Variants in SKI observed in about 807,000 individuals in gnomAD.
SKI encodes the protein ski oncogene.
A neutral mutation model predicts 59.3 loss-of-function variants in SKI; 23 were observed. The ratio of observed to expected loss-of-function variants is 0.39; its 90% CI spans 0.28 to 0.55. The LOEUF (loss-of-function observed/expected upper bound fraction) is 0.55. Among genes scored for constraint, SKI ranks in the 20% least tolerant of loss-of-function variants. The pLI is 0.67. For synonymous variants in SKI, 673 were observed against 488.6 expected (o/e 1.38, Z -4.98); for missense variants, 1,017 against 1,038.9 (o/e 0.98, Z 0.29).
Position 2,303,680 on chromosome 1 carries a change from A to G in SKI, c.1212-160A>G. The G allele has an allele frequency of 9.6e-7, 1 of 1,037,658 alleles. No individual in the cohort carries two copies. The highest frequency in any genetic ancestry group is 2.2e-5 in the Admixed American group (1 of 44,984). 64.3% of individuals were successfully genotyped at this position (1,037,658 alleles called of 1,614,324 possible). On this transcript the variant is annotated intron_variant, in intron 3 of 6. Coordinates refer to ENST00000378536, the MANE Select transcript of SKI (RefSeq NM_003036.4). The surrounding 1 kb of genome is among the most constrained non-coding windows in gnomAD (Gnocchi z 5.6). ...CTTCGCAAGAGACCCAGCAAGCAGA[A>G]AACGCTTACGGGTTCTTAGGGAACT...
In SKI at chr1:2,229,666, C is replaced by A. The variant is rs747649658; in HGVS notation, c.900C>A (p.Leu300=). 1.2e-6 allele frequency: 2 copies of A among 1,609,894 alleles called. No homozygotes were observed. Among genetic ancestry groups the A allele is most frequent in the Non-Finnish European group, 1.7e-6 (2 of 1,178,836 alleles). Residue 300 remains leucine, a synonymous_variant, in exon 1 of 7, where the codon CTC becomes CTA. Transcript: ENST00000378536. This position sits in a 1 kb window ranked among gnomAD's most constrained non-coding sequence, Gnocchi z 6.3. The part of the protein sequence containing the change: ...DYTGKEEQAR[L]GRCLDDVKEK... ...CGGGCAAGGAGGAGCAGGCGCGCCTCGGCCGCTGCCTGGACGACGTGAAGG... is the reference window on the plus strand; with the variant it reads ...CGGGCAAGGAGGAGCAGGCGCGCCTAGGCCGCTGCCTGGACGACGTGAAGG...
chr1:2,291,712 GC>G (rs1266337573), intron 1 of SKI, among the ~76,000 whole-genome samples: 2 of 141,696 alleles, frequency 1.4e-5, no homozygotes, highest in Non-Finnish European at 3.1e-5. Context: ...TTGTGGGGGG[GC>G]CCCCTGGGGC....
At chr1:2,288,045 A>G (rs1166449246) in intron 1 of SKI, among the ~76,000 whole-genome samples, 5 of 151,266 alleles carry the variant, frequency 3.3e-5, no homozygotes, top group African/African-American at 9.7e-5. Context: ...CTGGACTGCA[A>G]TGGCACGATC....
At chr1:2,261,479 T>G (rs1639384841) in intron 1 of SKI, among the ~76,000 whole-genome samples, 1 of 152,260 alleles carries the variant, frequency 6.6e-6, no homozygotes, top group African/African-American at 2.4e-5. Flanking sequence ...CCATCTTTTG[T>G]CAGATTTATT....
At chr1:2,275,536 C>T (rs1324008647) in intron 1 of SKI, among the ~76,000 whole-genome samples, 2 of 151,668 alleles carry the variant, frequency 1.3e-5, no homozygotes, top group African/African-American at 4.8e-5. Flanking sequence ...TTTTTTTAGA[C>T]GGAGTCTCGC....
intron 1 of SKI, among the ~76,000 whole-genome samples, chr1:2,290,575 G>T (rs1223083142): frequency 6.6e-6 from 1 of 152,188 alleles, no homozygotes; most frequent in Non-Finnish European, 1.5e-5. Context: ...ACCTCATCAG[G>T]GGCTCCCCCA....
rs745884494 is a variant in SKI, at chr1:2,303,286, G to T, written c.1097G>T (p.Ser366Ile). 1.9e-6 allele frequency: 3 copies of T among 1,613,430 alleles called. No individual in the cohort carries two copies. Among genetic ancestry groups the T allele is most frequent in the Non-Finnish European group, 2.5e-6 (3 of 1,179,990 alleles). Residue 366 changes from serine (S) to isoleucine (I), a missense_variant and splice_region_variant, in exon 3 of 7, where the codon AGC becomes ATC. Ser to Ile is a moderately radical substitution (Grantham distance 142). Coordinates refer to ENST00000378536, the MANE Select transcript of SKI (RefSeq NM_003036.4). This position sits in a 1 kb window ranked among gnomAD's most constrained non-coding sequence, Gnocchi z 5.6. ...LRTLAGSSNK[S>I]LGCVHPRQRL... ...ACACAGACAACTCTTTCTCGACAGA[G>T]CCTGGGCTGTGTTCACCCTCGCCAG...
At chr1:2,235,844 G>A (rs954256693) in intron 1 of SKI, among the ~76,000 whole-genome samples, 3 of 152,250 alleles carry the variant, frequency 2.0e-5, no homozygotes, top group African/African-American at 7.2e-5. Context: ...GGTGCCTGGC[G>A]CCTGTGGCCC....
rs1009718600 is a variant in SKI at position 2,271,976 on chromosome 1, C to G, written c.970-31002C>G. On this transcript the variant is annotated intron_variant, in intron 1 of 6. Transcript: ENST00000378536. ...CACTCCGGGCCACTGGCTGCTTTCT[C>G]GCAGCTGTTCTCCTCTGGGAGGACT... 1.5e-4 allele frequency among the ~76,000 whole-genome samples: 23 copies of G among 152,156 alleles called. 1 individual carries two copies. The highest frequency in any genetic ancestry group is 5.6e-4 in the African/African-American group (23 of 41,432).
In SKI at chr1:2,303,731, C is replaced by A; in HGVS notation, c.1212-109C>A. The A allele has an allele frequency of 1.4e-6, 2 of 1,411,024 alleles. No homozygotes were observed. Among genetic ancestry groups the A allele is most frequent in the Non-Finnish European group, 2.0e-6 (2 of 1,025,180 alleles). The allele number at this position is 1,411,024 out of a possible 1,614,324, so 87.4% of individuals were successfully genotyped here. A position where few individuals can be genotyped will look rare whatever the true frequency, so the allele number is the denominator to read the frequency against. On this transcript the variant is annotated intron_variant, in intron 3 of 6. Transcript: ENST00000378536. The surrounding 1 kb of genome is among the most constrained non-coding windows in gnomAD (Gnocchi z 5.6). Reference sequence around the variant, plus strand: ...GTAAGCTTGACTTGAAGATTCGGAGCTGGGAAAGTCTTTCCTGTTTAACAC... The same window carrying A: ...GTAAGCTTGACTTGAAGATTCGGAGATGGGAAAGTCTTTCCTGTTTAACAC...
At chr1:2,260,538 T>TTTTTTTTTTTTA (rs1557825820) in intron 1 of SKI, among the ~76,000 whole-genome samples, 2 of 105,182 alleles carry the variant, frequency 1.9e-5, no homozygotes, top group Non-Finnish European at 3.9e-5. Flanking sequence ...TCTTTTTCTT[T>TTTTTTTTTTTTA]TTTTTTTTTT....
intron 1 of SKI, among the ~76,000 whole-genome samples, chr1:2,271,953 C>G (rs1282957610): frequency 1.3e-5 from 2 of 152,174 alleles, no homozygotes; most frequent in African/African-American, 4.8e-5. Context: ...GGGAGAGACA[C>G]TCCGGGCCAC....
intron 1 of SKI, among the ~76,000 whole-genome samples, chr1:2,249,913 GT>G (rs879591645): frequency 1.7e-4 from 25 of 148,282 alleles, no homozygotes; most frequent in East Asian, 3.9e-4. Context: ...TTTGGCCACA[GT>G]TTTTTTTTTT....
chr1:2,254,813 G>GC (rs1366461018), intron 1 of SKI, among the ~76,000 whole-genome samples: 2 of 152,208 alleles, frequency 1.3e-5, no homozygotes, highest in East Asian at 3.8e-4. Context: ...GAGGCGTGCA[G>GC]CCCCCCTGCT....
At chr1:2,285,859 C>T (rs1412525685) in intron 1 of SKI, among the ~76,000 whole-genome samples, 3 of 148,232 alleles carry the variant, frequency 2.0e-5, no homozygotes, top group Non-Finnish European at 4.4e-5. Context: ...AGCCACCGCA[C>T]CAGCCAGAAG....
At position 2,229,895 on chromosome 1, in the gene SKI, T is replaced by A. The variant is rs998329334; in HGVS notation, c.969+160T>A. 6.6e-6 allele frequency among the ~76,000 whole-genome samples: 1 copy of A among 152,168 alleles called. No homozygotes were observed. Among genetic ancestry groups the A allele is most frequent in the African/African-American group, 2.4e-5 (1 of 41,436 alleles). Reference sequence around the variant, plus strand: ...TTAGGGAAATTCAGAGTGTTCCGACTGGCAGGGCCAGAGAGTTTGGTAGGA... The same window carrying A: ...TTAGGGAAATTCAGAGTGTTCCGACAGGCAGGGCCAGAGAGTTTGGTAGGA... On this transcript the variant is annotated intron_variant, in intron 1 of 6. Coordinates refer to ENST00000378536, the MANE Select transcript of SKI (RefSeq NM_003036.4). This position sits in a 1 kb window ranked among gnomAD's most constrained non-coding sequence, Gnocchi z 6.3.
chr1:2,305,353 C>T (rs914957002), intron 5 of SKI, among the ~76,000 whole-genome samples: 3 of 152,196 alleles, frequency 2.0e-5, no homozygotes, highest in Non-Finnish European at 2.9e-5. Context: ...ACCTCGGCGG[C>T]GTCTGGCAGC....
chr1:2,282,652 T>G (rs1639919578), intron 1 of SKI, among the ~76,000 whole-genome samples: 1 of 152,120 alleles, frequency 6.6e-6, no homozygotes, highest in Non-Finnish European at 1.5e-5. Context: ...GCCCGCTGGC[T>G]CCCAGCCCTC....
chr1:2,282,991 A>ATGGG (rs2100877442), intron 1 of SKI, among the ~76,000 whole-genome samples: 1 of 151,982 alleles, frequency 6.6e-6, no homozygotes, highest in East Asian at 1.9e-4. Flanking sequence ...GTGCTGGGAG[A>ATGGG]CGGGAGCCAG....
Sources: allele counts gnomAD v4.1 joint callset (sites outside exome capture counted in the v4.1 genomes callset), GRCh38; gene constraint gnomAD v4.1.1; non-coding constraint Gnocchi (gnomAD v3.1); transcripts MANE v1.5; gene names NCBI Gene and HGNC (gene_info 2026-07-23, HGNC 2026-07-21).